The following GULP1 variants were observed in gnomAD, a reference collection of about 807,000 sequenced individuals.
The protein encoded by GULP1 is PTB domain-containing engulfment adapter protein 1.
Under a neutral mutation model 40.9 loss-of-function variants are expected in GULP1, and 19 were observed. That is an observed-to-expected ratio of 0.46 (90% CI 0.32 to 0.68). The LOEUF is 0.68. Among genes scored for constraint, GULP1 ranks in the 30% least tolerant of loss-of-function variants. The pLI is 0.03. For synonymous variants in GULP1, 119 were observed against 117.6 expected (o/e 1.01, Z -0.08); for missense variants, 312 against 362.2 (o/e 0.86, Z 1.12).
At chr2:188,363,707 C>T (rs1186558380) in intron 1 of GULP1, among the ~76,000 whole-genome samples, 43 of 152,114 alleles carry the variant, frequency 2.8e-4, no homozygotes, top group African/African-American at 9.9e-4. Context: ...GTGGTTTTTG[C>T]CATTGTACAT....
chr2:188,415,676 C>T (rs757025653), intron 2 of GULP1, among the ~76,000 whole-genome samples: 1 of 152,074 alleles, frequency 6.6e-6, no homozygotes, highest in Non-Finnish European at 1.5e-5. Context: ...AGAATTGAAG[C>T]TGATGCCAAT....
chr2:188,474,990 A>G (rs766124646), intron 2 of GULP1, among the ~76,000 whole-genome samples: 3 of 152,170 alleles, frequency 2.0e-5, no homozygotes, highest in Non-Finnish European at 2.9e-5. Flanking sequence ...TTTTAACTAT[A>G]TATTTTATTT....
At chr2:188,355,254 TAAAAG>T (rs534733275) in intron 1 of GULP1, among the ~76,000 whole-genome samples, 2 of 151,706 alleles carry the variant, frequency 1.3e-5, no homozygotes, top group South Asian at 4.1e-4. Flanking sequence ...TGGATTTTCT[TAAAAG>T]ATAAGTAAAA....
chr2:188,455,378 A>G (rs1479071853), intron 2 of GULP1, among the ~76,000 whole-genome samples: 1 of 152,138 alleles, frequency 6.6e-6, no homozygotes, highest in African/African-American at 2.4e-5. Flanking sequence ...AACTCCCACA[A>G]TTCCCATGTG....
chr2:188,473,074 A>C lies in GULP1; in HGVS notation c.-44-4585A>C, dbSNP rs2060720730. 2.6e-5 allele frequency among the ~76,000 whole-genome samples: 4 copies of C among 152,220 alleles called. No homozygotes were observed. The South Asian group carries it at 8.3e-4, about 31-fold the overall frequency. ...CTGATGGTCTTGGACAAGATCTGAA[A>C]GAATTCTCCAGATCACCATGCAGAG... On this transcript the variant is annotated intron_variant, in intron 2 of 11. Transcript: ENST00000409830.
At chr2:188,485,426 G>A (rs1352120020) in intron 4 of GULP1, among the ~76,000 whole-genome samples, 1 of 151,984 alleles carries the variant, frequency 6.6e-6, no homozygotes, top group Non-Finnish European at 1.5e-5. Flanking sequence ...TATATTGTAT[G>A]TGTACCAAGT....
chr2:188,483,123 A>G (rs1026283725), intron 3 of GULP1, among the ~76,000 whole-genome samples: 1 of 152,042 alleles, frequency 6.6e-6, no homozygotes, highest in Non-Finnish European at 1.5e-5. Flanking sequence ...ACTTGTTTTA[A>G]ATCACAAATG....
chr2:188,475,332 TATC>T (rs1045242262), intron 2 of GULP1, among the ~76,000 whole-genome samples: 2 of 152,170 alleles, frequency 1.3e-5, no homozygotes, highest in Admixed American at 6.5e-5. Context: ...GTCATTGTAT[TATC>T]ATGTCATTAT....
intron 1 of GULP1, among the ~76,000 whole-genome samples, chr2:188,301,002 C>T (rs2036030644): frequency 2.0e-5 from 3 of 151,980 alleles, no homozygotes; most frequent in African/African-American, 4.8e-5. Flanking sequence ...GTTGAATGTC[C>T]AGGTTCCTGT....
intron 3 of GULP1, 21 bp from the exon 4 acceptor site, chr2:188,483,408 ACT>A (rs1371590169): frequency 2.3e-6 from 3 of 1,331,106 alleles, no homozygotes; most frequent in Admixed American, 1.7e-5. Context: ...CTAAAATTTA[ACT>A]CTGTGTATTT....
chr2:188,585,309 C>T (rs767738112), intron 10 of GULP1, among the ~76,000 whole-genome samples: 3 of 152,132 alleles, frequency 2.0e-5, no homozygotes, highest in African/African-American at 7.2e-5. Context: ...ATCTACCATT[C>T]GGGGGTCTGA....
Position 188,399,790 on chromosome 2 carries a change from T to C in GULP1, c.-45+15901T>C, listed in dbSNP as rs577479865. Among the ~76,000 whole-genome samples the C allele has an allele frequency of 4.0e-5, 6 of 150,496 alleles. No homozygotes were observed. The East Asian group carries it at 1.2e-3, about 30-fold the overall frequency. On this transcript the variant is annotated intron_variant, in intron 2 of 11. Coordinates refer to ENST00000409830, the MANE Select transcript of GULP1 (RefSeq NM_016315.4). ...AAAGTGAGTATAGGTGAAATAATAA[T>C]GTTGCTTAGTTCTCAATAGGTATCT... is the stretch of plus-strand genomic sequence containing the variant.
rs896942878 is a variant in GULP1, at chr2:188,292,406, C to A, written c.-172+240C>A. On this transcript the variant is annotated intron_variant, in intron 1 of 11. Transcript: ENST00000409830. The surrounding 1 kb of genome is among the most constrained non-coding windows in gnomAD (Gnocchi z 4.0). Reference sequence around the variant, plus strand: ...TAAAGGAGGCTAAGACCTGTTGACGCCTGCTATGGCAGCGCTTGAGAAATG... The same window carrying A: ...TAAAGGAGGCTAAGACCTGTTGACGACTGCTATGGCAGCGCTTGAGAAATG... Among the ~76,000 whole-genome samples the A allele has an allele frequency of 6.6e-6, 1 of 152,244 alleles. No individual in the cohort carries two copies. Among genetic ancestry groups the A allele is most frequent in the Non-Finnish European group, 1.5e-5 (1 of 68,052 alleles).
chr2:188,396,741 T>G (rs905020940), intron 2 of GULP1, among the ~76,000 whole-genome samples: 1 of 152,178 alleles, frequency 6.6e-6, no homozygotes, highest in Non-Finnish European at 1.5e-5. Flanking sequence ...CTCGAGATTA[T>G]ATTGTAAATT....
At chr2:188,399,323 T>C (rs2051756229) in intron 2 of GULP1, among the ~76,000 whole-genome samples, 1 of 152,046 alleles carries the variant, frequency 6.6e-6, no homozygotes, top group Non-Finnish European at 1.5e-5. Flanking sequence ...CAATAGTATT[T>C]TTTAATGTTC....
intron 1 of GULP1, among the ~76,000 whole-genome samples, chr2:188,354,284 G>T (rs2044946868): frequency 6.6e-6 from 1 of 152,092 alleles, no homozygotes; most frequent in Admixed American, 6.6e-5. Context: ...TGTTGGGTCT[G>T]GTTCCCAAAC....
At chr2:188,550,759 TTAA>T (rs1358751424) in intron 7 of GULP1, among the ~76,000 whole-genome samples, 6 of 151,664 alleles carry the variant, frequency 4.0e-5, no homozygotes, top group African/African-American at 9.7e-5. Flanking sequence ...TTGCTTTGTG[TTAA>T]TAATTTTTGA....
Position 188,375,608 on chromosome 2 carries a change from A to G in GULP1, c.-171-8155A>G, listed in dbSNP as rs1187316187. On this transcript the variant is annotated intron_variant, in intron 1 of 11. Coordinates refer to ENST00000409830, the MANE Select transcript of GULP1 (RefSeq NM_016315.4). Reference sequence around the variant, plus strand: ...TTCATTAATACTGAAATGTATTTACATAGTTTTACAGCTTTTAGGAGTAAC... The same window carrying G: ...TTCATTAATACTGAAATGTATTTACGTAGTTTTACAGCTTTTAGGAGTAAC... Among the ~76,000 whole-genome samples, 3 of 152,218 alleles carry G rather than the reference A, an allele frequency of 2.0e-5. No individual in the cohort carries two copies. In the East Asian group the frequency reaches 5.8e-4, roughly 29 times the overall value.
intron 7 of GULP1, among the ~76,000 whole-genome samples, chr2:188,556,197 C>T (rs1432753613): frequency 6.6e-6 from 1 of 152,090 alleles, no homozygotes; most frequent in African/African-American, 2.4e-5. Flanking sequence ...TTTAAGGTGT[C>T]ATAAATGTCG....
Sources: gnomAD v4.1 joint callset for allele counts (sites outside exome capture counted in the v4.1 genomes callset) on GRCh38, gnomAD v4.1.1 for gene constraint, Gnocchi (gnomAD v3.1) non-coding constraint, MANE v1.5 for transcripts, NCBI Gene and HGNC (gene_info 2026-07-23, HGNC 2026-07-21) for gene names.